CRHR2: variants seen among roughly 807,000 people sequenced by gnomAD.
The protein encoded by CRHR2 is corticotropin releasing hormone receptor 2, also known as corticotropin-releasing hormone receptor 2.
CRHR2 carries 53 observed loss-of-function variants against 57.9 expected under a neutral mutation model. That is an observed-to-expected ratio of 0.92 (90% CI 0.73 to 1.15). CRHR2 has a LOEUF of 1.15. Among genes scored for constraint, CRHR2 ranks in the 50% most tolerant of loss-of-function variants. The pLI, the probability that CRHR2 is intolerant of heterozygous loss-of-function variation, is 0.00. For missense variants in CRHR2, 532 were observed against 542.6 expected (o/e 0.98, Z 0.19); for synonymous variants, 213 against 220.9 (o/e 0.96, Z 0.32).
chr7:30,665,031 GC>G lies in CRHR2; in HGVS notation c.543+38del, dbSNP rs756897258. The G allele has an allele frequency of 1.7e-5, 27 of 1,560,688 alleles. No individual in the cohort carries two copies. Among genetic ancestry groups the G allele is most frequent in the Middle Eastern group, 1.7e-4 (1 of 5,960 alleles). On this transcript the variant is annotated intron_variant, in intron 5 of 11. Transcript: ENST00000471646. The surrounding 1 kb of genome is among the most constrained non-coding windows in gnomAD (Gnocchi z 4.5). The stretch of plus-strand genomic sequence containing the variant: ...CAGATGGGTGCCCCCGGAGCCCAGA[GC>G]CCCCCAGGTATAGCCCCGAGTCTCC...
intron 2 of CRHR2, among the ~76,000 whole-genome samples, chr7:30,668,525 A>G (rs1209660237): frequency 1.3e-5 from 2 of 152,194 alleles, no homozygotes; most frequent in Admixed American, 6.5e-5. Context: ...TAGCTTGCAG[A>G]GCACAGAGTT....
At chr7:30,695,507 C>G (rs55829756) in intron 1 of CRHR2, among the ~76,000 whole-genome samples, 5 of 151,862 alleles carry the variant, frequency 3.3e-5, no homozygotes, top group East Asian at 3.9e-4. Context: ...TCACCTGTGC[C>G]GAGCCCTGGG....
upstream of CRHR2, among the ~76,000 whole-genome samples, chr7:30,683,592 G>A (rs1784793157): frequency 6.6e-6 from 1 of 152,190 alleles, no homozygotes; most frequent in African/African-American, 2.4e-5. Flanking sequence ...TCCAGCCTCT[G>A]ACTCTGCTCT....
chr7:30,670,220 T>C (rs566033567), intron 2 of CRHR2, among the ~76,000 whole-genome samples: 1 of 152,332 alleles, frequency 6.6e-6, no homozygotes, highest in South Asian at 2.1e-4. Context: ...ACACTGATCA[T>C]GACCCACTAA....
At position 30,667,325 on chromosome 7, in the gene CRHR2, G is replaced by T. The variant is rs770935875; in HGVS notation, c.230-12C>A. On this transcript the variant is annotated splice_polypyrimidine_tract_variant and intron_variant, in intron 2 of 11. Coordinates refer to ENST00000471646, the MANE Select transcript of CRHR2 (RefSeq NM_001883.5). ...TCGATAGGCATTCCCTACAAAAAAT[G>T]CCAACTGCCAAGAGTCAGGTCACTC... 5.0e-6 allele frequency: 8 copies of T among 1,613,222 alleles called. No homozygotes were observed.
At chr7:30,698,575 G>T (rs1024625753) in intron 1 of CRHR2, among the ~76,000 whole-genome samples, 1 of 152,194 alleles carries the variant, frequency 6.6e-6, no homozygotes, top group Non-Finnish European at 1.5e-5. Flanking sequence ...CATCCCAATT[G>T]CAGTCTGCAA....
chr7:30,653,727 C>A lies in CRHR2; in HGVS notation c.1096-127G>T. 1 of 1,168,084 alleles carries A rather than the reference C, an allele frequency of 8.6e-7. No individual in the cohort carries two copies. The highest frequency in any genetic ancestry group is 1.2e-6 in the Non-Finnish European group (1 of 856,528). 72.4% of individuals were successfully genotyped at this position (1,168,084 alleles called of 1,614,324 possible). ...CTCATGACAAGGAACTGTCTGCTTC[C>A]AAAACAGGTCCTTCCCTGATGCTGT... is the stretch of plus-strand genomic sequence containing the variant. On this transcript the variant is annotated intron_variant, in intron 11 of 11. Coordinates refer to ENST00000471646, the MANE Select transcript of CRHR2 (RefSeq NM_001883.5). The surrounding 1 kb of genome is among the most constrained non-coding windows in gnomAD (Gnocchi z 5.0).
chr7:30,696,078 C>A (rs80279089), intron 1 of CRHR2, among the ~76,000 whole-genome samples: 1 of 152,138 alleles, frequency 6.6e-6, no homozygotes, highest in Non-Finnish European at 1.5e-5. Context: ...TTATCACTTA[C>A]TTGTGGGATT....
Position 30,665,299 on chromosome 7 carries a change from A to T in CRHR2, c.426-112T>A. 1 of 957,280 alleles carries T rather than the reference A, an allele frequency of 1.0e-6. No homozygotes were observed. The allele number at this position is 957,280 out of a possible 1,614,324, so 59.3% of individuals were successfully genotyped here. ...GGGATGAGGGCAGGGCTGCACTAGGAGCCACTTCCCACCCATGGTGGCCAC... is the reference window on the plus strand; with the variant it reads ...GGGATGAGGGCAGGGCTGCACTAGGTGCCACTTCCCACCCATGGTGGCCAC... On this transcript the variant is annotated intron_variant, in intron 4 of 11. Transcript: ENST00000471646. The surrounding 1 kb of genome is among the most constrained non-coding windows in gnomAD (Gnocchi z 4.5).
At chr7:30,679,004 C>T (rs1784611660) in intron 2 of CRHR2, among the ~76,000 whole-genome samples, 1 of 152,204 alleles carries the variant, frequency 6.6e-6, no homozygotes, top group African/African-American at 2.4e-5. Flanking sequence ...CATCACCTGA[C>T]CTCCATGCCC....
At chr7:30,673,424 T>C (rs1489814356) in intron 2 of CRHR2, among the ~76,000 whole-genome samples, 2 of 151,796 alleles carry the variant, frequency 1.3e-5, no homozygotes, top group Non-Finnish European at 2.9e-5. Context: ...CACTATGTGG[T>C]TTTGGCTGGT....
chr7:30,680,491 C>T (rs1185413248), intron 2 of CRHR2, among the ~76,000 whole-genome samples: 1 of 152,188 alleles, frequency 6.6e-6, no homozygotes, highest in African/African-American at 2.4e-5. Context: ...CCTTAATCTC[C>T]GGGCCCAGTC....
chr7:30,671,635 CAAAAAAAAA>C (rs11305836), intron 2 of CRHR2, among the ~76,000 whole-genome samples: 1 of 104,956 alleles, frequency 9.5e-6, no homozygotes, highest in South Asian at 3.2e-4. Flanking sequence ...CCCCATCTCT[CAAAAAAAAA>C]AAAAAAAAAA....
chr7:30,692,862 G>A (rs1050740158), intron 1 of CRHR2, among the ~76,000 whole-genome samples: 1 of 152,200 alleles, frequency 6.6e-6, no homozygotes, highest in African/African-American at 2.4e-5. Flanking sequence ...CCCACTTCAG[G>A]TAAGGGGCAG....
chr7:30,682,110 G>A, intron 1 of CRHR2, 68 bp downstream of exon 1: 4 of 1,539,140 alleles, frequency 2.6e-6, no homozygotes, highest in East Asian at 2.5e-5. Context: ...GGAGCGCGGG[G>A]TCAGGGGCGC....
chr7:30,655,974 T>C lies in CRHR2; in HGVS notation c.870A>G (p.Leu290=). 6.2e-7 allele frequency: 1 copy of C among 1,613,810 alleles called. No homozygotes were observed. The highest frequency in any genetic ancestry group is 1.7e-5 in the Admixed American group (1 of 60,004). Residue 290 remains leucine (L), a synonymous_variant, in exon 9 of 12, where the codon CTA becomes CTG. Transcript: ENST00000471646. ...FVFLFNIVRI[L]MTKLRASTTS... The stretch of plus-strand genomic sequence containing the variant: ...TGGTGGACGCGCGTAACTTTGTCAT[T>C]AGGATCCTGACGATGTTGAACAGAA...
intron 1 of CRHR2, among the ~76,000 whole-genome samples, chr7:30,698,467 C>T (rs1584149830): frequency 6.6e-6 from 1 of 152,290 alleles, no homozygotes; most frequent in Middle Eastern, 3.4e-3. Context: ...TGGAAGGCAC[C>T]TATCTGGAAA....
chr7:30,682,533 C>T (rs1024874381), upstream of CRHR2: 38 of 1,247,758 alleles, frequency 3.0e-5, no homozygotes, highest in Non-Finnish European at 3.7e-5. Flanking sequence ...AATGGCTGCG[C>T]CGGGGGGCGG....
intron 1 of CRHR2, among the ~76,000 whole-genome samples, chr7:30,694,899 A>G (rs1267045461): frequency 7.6e-6 from 1 of 132,282 alleles, no homozygotes; most frequent in Non-Finnish European, 1.6e-5. Context: ...GGGGATGATG[A>G]GGAGAGAAGA....
Sources: gnomAD v4.1 joint callset for allele counts (sites outside exome capture counted in the v4.1 genomes callset) on GRCh38, gnomAD v4.1.1 for gene constraint, Gnocchi (gnomAD v3.1) non-coding constraint, MANE v1.5 for transcripts, NCBI Gene and HGNC (gene_info 2026-07-23, HGNC 2026-07-21) for gene names.